The following SLAIN2 variants were observed in gnomAD, a reference collection of about 807,000 sequenced individuals.
SLAIN2 encodes SLAIN motif-containing protein 2.
A neutral mutation model predicts 56.6 loss-of-function variants in SLAIN2; 31 were observed. The ratio of observed to expected loss-of-function variants is 0.55; its 90% CI spans 0.41 to 0.74. The LOEUF (loss-of-function observed/expected upper bound fraction) is 0.74. Among genes scored for constraint, SLAIN2 ranks in the 30% least tolerant of loss-of-function variants. The probability of loss-of-function intolerance (pLI) is 0.00; values close to 1 mark genes in which losing one functional copy is unlikely to be tolerated. For missense variants in SLAIN2, 777 were observed against 754.2 expected, an observed-to-expected ratio of 1.03 and a Z score of -0.35; for synonymous variants, 317 against 284.9, an observed-to-expected ratio of 1.11 and a Z score of -1.13.
At chr4:48,394,437 G>A in intron 6 of SLAIN2, 1 of 610,794 alleles carries the variant, frequency 1.6e-6, no homozygotes, top group Non-Finnish European at 2.8e-6. Flanking sequence ...TTGCTTCTAG[G>A]ATTCTAACAT....
At chr4:48,392,975 A>C (rs1031189799) in intron 6 of SLAIN2, among the ~76,000 whole-genome samples, 2 of 151,618 alleles carry the variant, frequency 1.3e-5, no homozygotes, top group Non-Finnish European at 2.9e-5. Flanking sequence ...AACAGGAACA[A>C]GTGAGTAGAT....
At chr4:48,388,042 T>G (rs1284010740) in intron 6 of SLAIN2, among the ~76,000 whole-genome samples, 1 of 152,184 alleles carries the variant, frequency 6.6e-6, no homozygotes, top group Non-Finnish European at 1.5e-5. Context: ...AACCTAACTT[T>G]GCAAGGTTGC....
At chr4:48,375,907 C>G (rs972413323) in intron 2 of SLAIN2, among the ~76,000 whole-genome samples, 1 of 152,230 alleles carries the variant, frequency 6.6e-6, no homozygotes, top group African/African-American at 2.4e-5. Flanking sequence ...GCTTCAATGC[C>G]TCTCCTTCCA....
chr4:48,376,189 C>CA (rs1438470449), intron 2 of SLAIN2, among the ~76,000 whole-genome samples: 2 of 152,178 alleles, frequency 1.3e-5, no homozygotes, highest in Non-Finnish European at 2.9e-5. Context: ...CACGGTGACT[C>CA]ACGCCTGTAA....
At chr4:48,407,616 T>C (rs2109781714) in intron 6 of SLAIN2, among the ~76,000 whole-genome samples, 1 of 152,342 alleles carries the variant, frequency 6.6e-6, no homozygotes, top group East Asian at 1.9e-4. Context: ...GACTTACTAA[T>C]TTTATGGTTC....
chr4:48,403,099 G>A (rs917013445), intron 6 of SLAIN2, among the ~76,000 whole-genome samples: 16 of 152,164 alleles, frequency 1.1e-4, no homozygotes, highest in African/African-American at 2.7e-4. Context: ...TGGGAGCTCC[G>A]TCCCAGGGGG....
intron 6 of SLAIN2, among the ~76,000 whole-genome samples, chr4:48,411,353 A>G (rs1381938900): frequency 6.6e-6 from 1 of 152,192 alleles, no homozygotes; most frequent in Admixed American, 6.5e-5. Context: ...TCACGATGCA[A>G]AAAACAAACA....
At position 48,424,486 on chromosome 4, in the gene SLAIN2, A is replaced by G. The variant is rs1276228775; in HGVS notation, c.*2409A>G. 6.6e-6 allele frequency: 1 copy of G among 152,202 alleles called. No individual in the cohort carries two copies. Among genetic ancestry groups the G allele is most frequent in the Non-Finnish European group, 1.5e-5 (1 of 68,012 alleles). 9.4% of individuals were successfully genotyped at this position (152,202 alleles called of 1,614,324 possible). A position where few individuals can be genotyped will look rare whatever the true frequency, so the allele number is the denominator to read the frequency against. On this transcript the variant is annotated 3_prime_UTR_variant, in exon 8 of 8. Coordinates refer to ENST00000264313, the MANE Select transcript of SLAIN2 (RefSeq NM_020846.2). ...GTCACTTATATGTAAGCAGAAAACA[A>G]TGAGCTCTGCTTCCAAAGTTATTTA...
rs778599418 is a variant in SLAIN2, at chr4:48,420,236, T to C, written c.1472T>C (p.Ile491Thr). 4 of 1,613,786 alleles carry C rather than the reference T, an allele frequency of 2.5e-6. No individual in the cohort carries two copies. Among genetic ancestry groups the C allele is most frequent in the Non-Finnish European group, 3.4e-6 (4 of 1,179,878 alleles). Reference protein sequence around the residue: ...HGSGSPGSQEITQLTQTTSSP... With the variant: ...HGSGSPGSQETTQLTQTTSSP... Reference sequence around the variant, plus strand: ...TCTGGTTCTCCTGGTAGCCAAGAAATAACACAGCTCACACAAACCACCTCC... The same window carrying C: ...TCTGGTTCTCCTGGTAGCCAAGAAACAACACAGCTCACACAAACCACCTCC... The change falls in exon 7 of 8, where the codon ATA becomes ACA. Residue 491 changes from isoleucine (I) to threonine (T), a missense_variant. By Grantham distance (89) the Ile-to-Thr change is moderately conservative (BLOSUM62 -1). Transcript: ENST00000264313.
intron 6 of SLAIN2, among the ~76,000 whole-genome samples, chr4:48,396,275 G>A (rs1716383793): frequency 6.6e-6 from 1 of 152,060 alleles, no homozygotes; most frequent in Non-Finnish European, 1.5e-5. Flanking sequence ...GTAAAGAAGG[G>A]GGAGGAGGGG....
chr4:48,364,913 T>G (rs1359761669), intron 1 of SLAIN2, among the ~76,000 whole-genome samples: 1 of 149,540 alleles, frequency 6.7e-6, no homozygotes, highest in African/African-American at 2.5e-5. Context: ...GGAGAGCTGG[T>G]TTTTAAATTT....
intron 6 of SLAIN2, 69 bp from the exon 7 acceptor site, chr4:48,420,056 A>G: frequency 6.8e-7 from 1 of 1,470,732 alleles, no homozygotes; most frequent in Non-Finnish European, 9.3e-7. Flanking sequence ...CATCAGTTGT[A>G]ATTTAAAGCA....
In SLAIN2 at chr4:48,382,625, A is replaced by G. The variant is rs1372389314; in HGVS notation, c.920A>G (p.Asn307Ser). 6.2e-6 allele frequency: 10 copies of G among 1,612,084 alleles called. No homozygotes were observed. Among genetic ancestry groups the G allele is most frequent in the East Asian group, 2.2e-5 (1 of 44,842 alleles). ...TSRRSSGSSC[N>S]STRRGTFSDQ... ...CGGCGCAGTTCTGGTTCATCTTGCA[A>G]TTCTACAAGACGGGGTACTTTTAGT... The change falls in exon 5 of 8, where the codon AAT (asparagine) becomes AGT (serine). Residue 307 changes from asparagine to serine, a missense_variant. Physicochemically the swap from Asn to Ser is conservative, Grantham distance 46 (BLOSUM62 1). Transcript: ENST00000264313.
chr4:48,377,789 A>T (rs1474351132), intron 2 of SLAIN2, 107 bp from the exon 3 acceptor site: 13 of 1,068,324 alleles, frequency 1.2e-5, no homozygotes, highest in Admixed American at 5.3e-5. Flanking sequence ...ATATTTCTTC[A>T]TTTAAATTGA....
chr4:48,365,348 T>C (rs1456523833), intron 1 of SLAIN2, among the ~76,000 whole-genome samples: 1 of 141,524 alleles, frequency 7.1e-6, no homozygotes, highest in Non-Finnish European at 1.5e-5. Flanking sequence ...CGGGCACCTG[T>C]AATCCTAGCT....
chr4:48,398,760 C>A (rs1716473660), intron 6 of SLAIN2, among the ~76,000 whole-genome samples: 1 of 152,092 alleles, frequency 6.6e-6, no homozygotes, highest in Non-Finnish European at 1.5e-5. Context: ...GAATCCTTTC[C>A]CCATTGCTTG....
At chr4:48,349,471 T>A (rs1714954451) in intron 1 of SLAIN2, among the ~76,000 whole-genome samples, 1 of 152,206 alleles carries the variant, frequency 6.6e-6, no homozygotes, top group African/African-American at 2.4e-5. Context: ...TTTCCCATGA[T>A]GAATTAAAGA....
rs770295861 is a variant in SLAIN2 at position 48,420,277 on chromosome 4, A to C, written c.1513A>C (p.Met505Leu). The C allele has an allele frequency of 1.9e-6, 3 of 1,613,880 alleles. No homozygotes were observed. In the Admixed American group the frequency reaches 5.0e-5, roughly 27 times the overall value. The change falls in exon 7 of 8, where the codon ATG (methionine) becomes CTG (leucine). Residue 505 changes from methionine (M) to leucine (L), a missense_variant. By Grantham distance (15) the Met-to-Leu change is conservative. Transcript: ENST00000264313. ...TQTTSSPGPP[M>L]VQSTVSANPP... ...AACCACCTCCTCACCTGGGCCTCCTATGGTTCAGAGCACAGTCTCAGCAAA... is the reference window on the plus strand; with the variant it reads ...AACCACCTCCTCACCTGGGCCTCCTCTGGTTCAGAGCACAGTCTCAGCAAA...
intron 1 of SLAIN2, among the ~76,000 whole-genome samples, chr4:48,354,561 G>A (rs1056230916): frequency 2.0e-5 from 3 of 151,970 alleles, no homozygotes; most frequent in East Asian, 3.9e-4. Context: ...TTGCAGCCCG[G>A]GTTCAAGCGA....
Sources: gnomAD v4.1 joint callset for allele counts (sites outside exome capture counted in the v4.1 genomes callset) on GRCh38, gnomAD v4.1.1 for gene constraint, MANE v1.5 for transcripts, NCBI Gene and HGNC (gene_info 2026-07-23, HGNC 2026-07-21) for gene names.